The following TFEB variants were observed in gnomAD, a reference collection of about 807,000 sequenced individuals.
The protein encoded by TFEB is T-cell transcription factor EB.
In TFEB, 12 loss-of-function variants were observed where a neutral mutation model predicts 48.0. The observed-to-expected ratio is 0.25, with a 90% confidence interval of 0.16 to 0.40. The LOEUF (loss-of-function observed/expected upper bound fraction) is 0.40, where lower values mean the gene tolerates loss of function less well. Ranked by LOEUF, TFEB falls within the 10% of genes least tolerant of loss-of-function variation. The pLI is 1.00. For missense variants in TFEB, 509 were observed against 640.3 expected, an observed-to-expected ratio of 0.79 and a Z score of 2.21; for synonymous variants, 244 against 261.4, an observed-to-expected ratio of 0.93 and a Z score of 0.64.
intron 1 of TFEB, chr6:41,733,001 A>C: frequency 2.0e-6 from 2 of 985,524 alleles, no homozygotes; most frequent in Non-Finnish European, 2.4e-6. Flanking sequence ...AAGAGACAGA[A>C]CCCAGGGGGT....
Position 41,730,265 on chromosome 6 carries a change from G to C in TFEB, c.-23+5085C>G. Among the ~76,000 whole-genome samples the C allele has an allele frequency of 6.6e-6, 1 of 152,232 alleles. No individual in the cohort carries two copies. The highest frequency in any genetic ancestry group is 1.5e-5 in the Non-Finnish European group (1 of 68,046). ...AACAGTGCCCCGGTCTCTCTGAAAT[G>C]TGTGCCCTGATGGAGGGAAAGATTT... is the stretch of plus-strand genomic sequence containing the variant. On this transcript the variant is annotated intron_variant, in intron 1 of 8. Coordinates refer to ENST00000373033, the MANE Select transcript of TFEB (RefSeq NM_001271944.2). This position sits in a 1 kb window ranked among gnomAD's most constrained non-coding sequence, Gnocchi z 4.1.
intron 1 of TFEB, chr6:41,705,790 T>C (rs1322638633): frequency 6.6e-6 from 1 of 151,606 alleles, no homozygotes; most frequent in Non-Finnish European, 1.5e-5. Flanking sequence ...CTAGGGAGGG[T>C]CAGTCTGGTC....
chr6:41,735,121 G>A, intron 1 of TFEB: 4 of 970,158 alleles, frequency 4.1e-6, no homozygotes, highest in Non-Finnish European at 4.9e-6. Context: ...CTGAAGGGAG[G>A]GGCCGAGGGG....
At chr6:41,694,658 G>A (rs1769485113) in intron 1 of TFEB, among the ~76,000 whole-genome samples, 1 of 152,094 alleles carries the variant, frequency 6.6e-6, no homozygotes, top group African/African-American at 2.4e-5. Flanking sequence ...AGCCTCCCCT[G>A]ACACCCAGTC....
Position 41,694,705 on chromosome 6 carries a change from C to T in TFEB, c.-22-3470G>A, listed in dbSNP as rs147883702. Among the ~76,000 whole-genome samples the T allele has an allele frequency of 1.1e-3, 174 of 152,220 alleles. 2 individuals are homozygous for T. The highest frequency in any genetic ancestry group is 0.01 in the Admixed American group (155 of 15,288). On this transcript the variant is annotated intron_variant, in intron 1 of 8. Transcript: ENST00000373033. ...AACTAAGAGGATGGACATGGGAGAA[C>T]CAAAATGTCCCTGGCCCCTCCCACC...
chr6:41,710,170 T>G (rs1770416260), intron 1 of TFEB, among the ~76,000 whole-genome samples: 1 of 152,234 alleles, frequency 6.6e-6, no homozygotes, highest in Non-Finnish European at 1.5e-5. Context: ...AGTAAGATCC[T>G]TCTAATGGGC....
intron 1 of TFEB, among the ~76,000 whole-genome samples, chr6:41,697,408 C>CAAAAAAAAAAAA (rs56059829): frequency 0.023 from 1,467 of 63,236 alleles, 138 homozygotes; most frequent in South Asian, 0.032. Context: ...AACTCCATCT[C>CAAAAAAAAAAAA]AAAAAAAAAA....
Position 41,735,380 on chromosome 6 carries a change from CG to C in TFEB, c.-54del. Reference sequence around the variant, plus strand: ...TCTGAAGGTCAATCTGTCCGCCGCCCGCGCCCCGCGGCTCCGGCAACTTGTC... The same window carrying C: ...TCTGAAGGTCAATCTGTCCGCCGCCCCGCCCCGCGGCTCCGGCAACTTGTC... On this transcript the variant is annotated 5_prime_UTR_variant, in exon 1 of 9. Transcript: ENST00000373033. The C allele has an allele frequency of 1.0e-6, 1 of 985,728 alleles. No individual in the cohort carries two copies. The highest frequency in any genetic ancestry group is 1.2e-6 in the Non-Finnish European group (1 of 830,438). The allele number at this position is 985,728 out of a possible 1,614,324, so 61.1% of individuals were successfully genotyped here.
rs777958739 is a variant in TFEB, at chr6:41,687,740, G to C, written c.727+13C>G. Reference sequence around the variant, plus strand: ...GAAGAGGGAGGCAGGGAGAGGGGCGGGGCAGGACTCACTTAAGTTGTGATT... The same window carrying C: ...GAAGAGGGAGGCAGGGAGAGGGGCGCGGCAGGACTCACTTAAGTTGTGATT... On this transcript the variant is annotated intron_variant, in intron 6 of 8. Coordinates refer to ENST00000373033, the MANE Select transcript of TFEB (RefSeq NM_001271944.2). The C allele has an allele frequency of 8.7e-6, 14 of 1,613,902 alleles. No homozygotes were observed. The highest frequency in any genetic ancestry group is 1.0e-5 in the Non-Finnish European group (12 of 1,179,984).
intron 1 of TFEB, among the ~76,000 whole-genome samples, chr6:41,707,865 G>A (rs985504166): frequency 1.1e-4 from 16 of 152,234 alleles, no homozygotes; most frequent in Admixed American, 7.8e-4. Context: ...AGGCAGCCAC[G>A]TGGCGGCCAT....
intron 1 of TFEB, among the ~76,000 whole-genome samples, chr6:41,709,987 T>C (rs57633309): frequency 0.12 from 18,759 of 152,008 alleles, 1,291 homozygotes; most frequent in East Asian, 0.22. Flanking sequence ...GGGGGTCTCA[T>C]TATGTTGCCC....
chr6:41,713,444 C>T (rs770903843), intron 1 of TFEB, among the ~76,000 whole-genome samples: 2 of 152,152 alleles, frequency 1.3e-5, no homozygotes, highest in Non-Finnish European at 2.9e-5. Flanking sequence ...ACCGTCTGGC[C>T]GCAGGATTCA....
intron 7 of TFEB, 164 bp from the exon 8 acceptor site, chr6:41,686,401 T>G: frequency 1.3e-6 from 1 of 770,414 alleles, no homozygotes; most frequent in Non-Finnish European, 2.0e-6. Context: ...GAATGGGCCC[T>G]CCTGGTGACT....
At chr6:41,736,067 C>T (rs1223071726), upstream of TFEB, 17 of 1,585,918 alleles carry the variant, frequency 1.1e-5, 1 homozygote, top group Non-Finnish European at 1.5e-5. Flanking sequence ...CAGGGTGAGC[C>T]TGGCGAAGTA....
chr6:41,722,067 C>T (rs1049100558), intron 1 of TFEB, among the ~76,000 whole-genome samples: 7 of 152,198 alleles, frequency 4.6e-5, no homozygotes, highest in African/African-American at 1.7e-4. Context: ...AACCCCTTCG[C>T]CTCCTGGGTT....
intron 1 of TFEB, among the ~76,000 whole-genome samples, chr6:41,732,481 A>G (rs1771494995): frequency 6.6e-6 from 1 of 152,226 alleles, no homozygotes; most frequent in Non-Finnish European, 1.5e-5. Flanking sequence ...AGCATAAAAG[A>G]AGAGATGAAT....
chr6:41,693,881 G>T (rs1339742951), intron 1 of TFEB, among the ~76,000 whole-genome samples: 1 of 151,854 alleles, frequency 6.6e-6, no homozygotes, highest in Non-Finnish European at 1.5e-5. Flanking sequence ...CCCTGTCTTT[G>T]TACCCCCACT....
At chr6:41,721,905 A>G (rs999961426) in intron 1 of TFEB, among the ~76,000 whole-genome samples, 1 of 151,940 alleles carries the variant, frequency 6.6e-6, no homozygotes, top group African/African-American at 2.4e-5. Flanking sequence ...CTCTCTCAAG[A>G]CTACACCCTG....
At chr6:41,694,730 C>T (rs528079235) in intron 1 of TFEB, among the ~76,000 whole-genome samples, 1 of 152,132 alleles carries the variant, frequency 6.6e-6, no homozygotes, top group Non-Finnish European at 1.5e-5. Context: ...CCCCTCCCAC[C>T]ATCTGGCCCT....
Sources: gnomAD v4.1 joint callset for allele counts (sites outside exome capture counted in the v4.1 genomes callset) on GRCh38, gnomAD v4.1.1 for gene constraint, Gnocchi (gnomAD v3.1) non-coding constraint, MANE v1.5 for transcripts, NCBI Gene and HGNC (gene_info 2026-07-23, HGNC 2026-07-21) for gene names.